FBXO36: variants seen among roughly 807,000 people sequenced by gnomAD.
FBXO36 encodes the protein F-box only protein 36.
In FBXO36, 18 loss-of-function variants were observed where a neutral mutation model predicts 17.0. The observed-to-expected ratio is 1.06, with a 90% CI of 0.73 to 1.57. The LOEUF (loss-of-function observed/expected upper bound fraction) is 1.57, where lower values mean the gene tolerates loss of function less well. FBXO36 is among the 40% of genes most tolerant of loss of function. The pLI, the probability that FBXO36 is intolerant of heterozygous loss-of-function variation, is 0.00. For missense variants in FBXO36, 229 were observed against 221.9 expected, an observed-to-expected ratio of 1.03 and a Z score of -0.20; for synonymous variants, 83 against 85.3, an observed-to-expected ratio of 0.97 and a Z score of 0.15.
chr2:229,962,451 C>T (rs1044541899), intron 1 of FBXO36, among the ~76,000 whole-genome samples: 2 of 151,748 alleles, frequency 1.3e-5, no homozygotes, highest in African/African-American at 4.8e-5. Flanking sequence ...CTATTTCTGC[C>T]TCCCAAATAG....
chr2:230,007,511 G>A (rs1176429198), intron 3 of FBXO36, among the ~76,000 whole-genome samples: 1 of 152,200 alleles, frequency 6.6e-6, no homozygotes, highest in Admixed American at 6.5e-5. Flanking sequence ...CTGAGCATCT[G>A]GCTTGGTAGA....
intron 2 of FBXO36, among the ~76,000 whole-genome samples, chr2:229,980,576 C>T (rs1384528694): frequency 6.6e-6 from 1 of 151,984 alleles, no homozygotes; most frequent in African/African-American, 2.4e-5. Flanking sequence ...GCTCCAGGCA[C>T]CTTCCAAGCC....
intron 1 of FBXO36, among the ~76,000 whole-genome samples, chr2:229,971,599 G>A (rs1248023851): frequency 6.6e-6 from 1 of 152,164 alleles, no homozygotes; most frequent in Non-Finnish European, 1.5e-5. Flanking sequence ...TGGAGAAATG[G>A]AAGGGCAGGT....
intron 1 of FBXO36, among the ~76,000 whole-genome samples, chr2:229,958,717 C>T (rs575333276): frequency 1.2e-4 from 18 of 152,176 alleles, no homozygotes; most frequent in Non-Finnish European, 2.2e-4. Flanking sequence ...TGATGTCTCA[C>T]GGTGTCCCGC....
chr2:229,938,969 T>C (rs1341438387), intron 1 of FBXO36, among the ~76,000 whole-genome samples: 1 of 151,392 alleles, frequency 6.6e-6, no homozygotes, highest in African/African-American at 2.4e-5. Flanking sequence ...GATGGGGTTG[T>C]GGAGATGGCT....
intron 1 of FBXO36, among the ~76,000 whole-genome samples, chr2:229,971,562 C>A (rs1467142658): frequency 6.6e-6 from 1 of 152,096 alleles, no homozygotes; most frequent in African/African-American, 2.4e-5. Context: ...GGCCTATACT[C>A]TGAGCACAAG....
At chr2:229,948,061 G>A (rs1033917088) in intron 1 of FBXO36, among the ~76,000 whole-genome samples, 3 of 152,068 alleles carry the variant, frequency 2.0e-5, no homozygotes, top group African/African-American at 7.2e-5. Flanking sequence ...CACTTTGGGA[G>A]GCCAAGACAG....
chr2:229,994,114 A>G (rs1444317504), intron 2 of FBXO36, among the ~76,000 whole-genome samples: 1 of 152,092 alleles, frequency 6.6e-6, no homozygotes, highest in East Asian at 1.9e-4. Flanking sequence ...GACTTTCTAA[A>G]GTATATTTGA....
At chr2:229,993,345 A>G (rs1316245379) in intron 2 of FBXO36, among the ~76,000 whole-genome samples, 1 of 152,210 alleles carries the variant, frequency 6.6e-6, no homozygotes, top group Non-Finnish European at 1.5e-5. Context: ...AGACTTCAAA[A>G]GAACTTGTCA....
intron 3 of FBXO36, among the ~76,000 whole-genome samples, chr2:230,001,312 G>C (rs1272345367): frequency 2.6e-5 from 4 of 151,596 alleles, no homozygotes; most frequent in Non-Finnish European, 5.9e-5. Flanking sequence ...TTTTGAGACA[G>C]AGTCTCGCTC....
At chr2:229,946,897 T>A (rs544417852) in intron 1 of FBXO36, among the ~76,000 whole-genome samples, 1 of 152,334 alleles carries the variant, frequency 6.6e-6, no homozygotes, top group South Asian at 2.1e-4. Flanking sequence ...TCAGGCGCTG[T>A]GGCTCATGCC....
Position 229,949,548 on chromosome 2 carries a change from C to CACAT in FBXO36, c.97-26690_97-26689insTACA, listed in dbSNP as rs1429190971. Among the ~76,000 whole-genome samples, 1,135 of 151,846 alleles carry CACAT rather than the reference C, an allele frequency of 7.5e-3. 20 individuals carry two copies. Among genetic ancestry groups the CACAT allele is most frequent in the African/African-American group, 0.025 (1,035 of 41,418 alleles). ...TTCATGTAAAATGTATACACACACA[C>CACAT]ACACACACACACACACAGATTAATC... On this transcript the variant is annotated intron_variant, in intron 1 of 3. Coordinates refer to ENST00000283946, the MANE Select transcript of FBXO36 (RefSeq NM_174899.5).
At chr2:229,946,033 A>T (rs1213789343) in intron 1 of FBXO36, among the ~76,000 whole-genome samples, 7 of 152,054 alleles carry the variant, frequency 4.6e-5, no homozygotes, top group Non-Finnish European at 8.8e-5. Context: ...AAAAAAAAAA[A>T]AAAGACAAAA....
At chr2:229,966,402 T>G (rs1306042338) in intron 1 of FBXO36, among the ~76,000 whole-genome samples, 1 of 152,200 alleles carries the variant, frequency 6.6e-6, no homozygotes, top group African/African-American at 2.4e-5. Context: ...CATTTGTCAA[T>G]TTTGGCTTTT....
chr2:229,931,935 T>A (rs2076940630), intron 1 of FBXO36, among the ~76,000 whole-genome samples: 1 of 151,310 alleles, frequency 6.6e-6, no homozygotes, highest in Admixed American at 6.6e-5. Context: ...TTTTTTTTTT[T>A]AGACAGGGTC....
At chr2:229,925,978 G>A (rs754057354) in intron 1 of FBXO36, among the ~76,000 whole-genome samples, 19 of 151,914 alleles carry the variant, frequency 1.3e-4, no homozygotes, top group African/African-American at 2.4e-4. Context: ...AAAATAGTGC[G>A]CTGCTTTCTA....
At chr2:229,996,228 C>T (rs968762877) in intron 2 of FBXO36, among the ~76,000 whole-genome samples, 17 of 151,016 alleles carry the variant, frequency 1.1e-4, no homozygotes, top group African/African-American at 3.7e-4. Flanking sequence ...CAGTGAGCCG[C>T]GATTGCACCA....
chr2:229,940,277 C>A (rs1191035969), intron 1 of FBXO36, among the ~76,000 whole-genome samples: 1 of 151,964 alleles, frequency 6.6e-6, no homozygotes, highest in African/African-American at 2.4e-5. Context: ...AACCTTGTTT[C>A]TTTTTTGGAG....
At chr2:229,938,913 T>TCATGCCCCGCCAC (rs1487076116) in intron 1 of FBXO36, among the ~76,000 whole-genome samples, 1 of 138,436 alleles carries the variant, frequency 7.2e-6, no homozygotes, top group African/African-American at 2.7e-5. Flanking sequence ...GCACCCGCCA[T>TCATGCCCCGCCAC]CATGCCCCGC....
Sources: gnomAD v4.1 joint callset for allele counts (sites outside exome capture counted in the v4.1 genomes callset) on GRCh38, gnomAD v4.1.1 for gene constraint, MANE v1.5 for transcripts, NCBI Gene and HGNC (gene_info 2026-07-23, HGNC 2026-07-21) for gene names.